BRD4: variants seen among roughly 807,000 people sequenced by gnomAD.
BRD4 encodes bromodomain-containing protein 4.
BRD4 carries 16 observed loss-of-function variants against 142.1 expected under a neutral mutation model. The observed-to-expected ratio is 0.11, with a 90% CI of 0.08 to 0.17. The LOEUF (loss-of-function observed/expected upper bound fraction) is 0.17, where lower values mean the gene tolerates loss of function less well. Among genes scored for constraint, BRD4 ranks in the 10% least tolerant of loss-of-function variants. The probability of loss-of-function intolerance (pLI) is 1.00; values close to 1 mark genes in which losing one functional copy is unlikely to be tolerated. For synonymous variants in BRD4, 833 were observed against 707.5 expected, an observed-to-expected ratio of 1.18 and a Z score of -2.82; for missense variants, 1,424 against 1,810.9, an observed-to-expected ratio of 0.79 and a Z score of 3.88.
At chr19:15,311,909 C>T (rs1448677744) in intron 1 of BRD4, among the ~76,000 whole-genome samples, 1 of 152,202 alleles carries the variant, frequency 6.6e-6, no homozygotes, top group African/African-American at 2.4e-5. Flanking sequence ...AGAAGACTGG[C>T]TGCCACAGGC....
chr19:15,302,989 C>G (rs1279912216), intron 1 of BRD4, among the ~76,000 whole-genome samples: 2 of 133,216 alleles, frequency 1.5e-5, no homozygotes, highest in African/African-American at 2.9e-5. Flanking sequence ...GCCTGGGCCA[C>G]AGAGCGAGAC....
chr19:15,332,329 G>C lies in BRD4; in HGVS notation c.-74C>G, dbSNP rs1357280869. The C allele has an allele frequency of 6.9e-6, 1 of 145,728 alleles. No individual in the cohort carries two copies. The highest frequency in any genetic ancestry group is 2.5e-5 in the African/African-American group (1 of 40,156). 9.0% of individuals were successfully genotyped at this position (145,728 alleles called of 1,614,324 possible). ...CGCACGCCGCCCCCGCCGGCCGTCC[G>C]CCCGCTGCCGCCGCCCCCTCCCCGA... On this transcript the variant is annotated 5_prime_UTR_variant, in exon 1 of 20. Coordinates refer to ENST00000679869, the MANE Select transcript of BRD4 (RefSeq NM_001379291.1).
In BRD4 at chr19:15,283,733, C is replaced by T. The variant is rs572463615; in HGVS notation, c.-34-10600G>A. 7.9e-5 allele frequency among the ~76,000 whole-genome samples: 12 copies of T among 152,304 alleles called. No individual in the cohort carries two copies. The East Asian group carries it at 1.9e-3, about 24-fold the overall frequency. ...TAATTTCACCCACTGGGAAGCCGCC[C>T]GGGTGAGTAAGCAAGAGTGTATCAC... On this transcript the variant is annotated intron_variant, in intron 1 of 19. Transcript: ENST00000679869.
At chr19:15,308,502 G>A (rs1378277167) in intron 1 of BRD4, among the ~76,000 whole-genome samples, 1 of 150,162 alleles carries the variant, frequency 6.7e-6, no homozygotes, top group Admixed American at 6.7e-5. Context: ...CAGAACAATC[G>A]CTTGAACCCA....
At chr19:15,254,942 T>C (rs561972245) in intron 10 of BRD4, among the ~76,000 whole-genome samples, 12 of 152,224 alleles carry the variant, frequency 7.9e-5, no homozygotes, top group African/African-American at 2.9e-4. Context: ...AACGTATCGG[T>C]ACACAGGTCC....
intron 1 of BRD4, among the ~76,000 whole-genome samples, chr19:15,313,605 G>A (rs1176515999): frequency 1.3e-5 from 2 of 152,046 alleles, no homozygotes; most frequent in South Asian, 2.1e-4. Flanking sequence ...GAACCCGGCA[G>A]GCGGAGGTTG....
At position 15,239,869 on chromosome 19, in the gene BRD4, G is replaced by A. The variant is rs547510807; in HGVS notation, c.3282+41C>T. On this transcript the variant is annotated intron_variant, in intron 15 of 19. Transcript: ENST00000679869. The surrounding 1 kb of genome is among the most constrained non-coding windows in gnomAD (Gnocchi z 7.4). ...GCCGGTGAGGTGGGCAGGCACCCCC[G>A]GCCCTAGCCCACAGGACTATGGCCC... 9.9e-6 allele frequency: 16 copies of A among 1,613,924 alleles called. No homozygotes were observed. In the East Asian group the frequency reaches 1.1e-4, roughly 11 times the overall value.
intron 14 of BRD4, among the ~76,000 whole-genome samples, chr19:15,240,279 CA>C: frequency 6.6e-6 from 1 of 152,208 alleles, no homozygotes; most frequent in East Asian, 1.9e-4. Flanking sequence ...CAGTGTGCAG[CA>C]GAGCTTTCTA....
At chr19:15,313,392 AG>A (rs1166062782) in intron 1 of BRD4, among the ~76,000 whole-genome samples, 1 of 106,632 alleles carries the variant, frequency 9.4e-6, no homozygotes, top group Non-Finnish European at 1.9e-5. Flanking sequence ...AAAAAAAAAA[AG>A]GCCGAGCGGT....
At chr19:15,247,887 C>G (rs1331669155) in intron 11 of BRD4, 5 of 228,766 alleles carry the variant, frequency 2.2e-5, no homozygotes, top group African/African-American at 1.1e-4. Context: ...CCGGGAGGCC[C>G]TGGTGAGGCC....
At chr19:15,240,387 T>C (rs1408076785) in intron 14 of BRD4, among the ~76,000 whole-genome samples, 1 of 152,182 alleles carries the variant, frequency 6.6e-6, no homozygotes, top group African/African-American at 2.4e-5. Flanking sequence ...CATGTGGGCT[T>C]GGCAGGGCCT....
At position 15,292,606 on chromosome 19, in the gene BRD4, G is replaced by A. The variant is rs1002560209; in HGVS notation, c.-34-19473C>T. Among the ~76,000 whole-genome samples, 13 of 151,714 alleles carry A rather than the reference G, an allele frequency of 8.6e-5. No homozygotes were observed. In the East Asian group the frequency reaches 2.3e-3, roughly 27 times the overall value. On this transcript the variant is annotated intron_variant, in intron 1 of 19. Coordinates refer to ENST00000679869, the MANE Select transcript of BRD4 (RefSeq NM_001379291.1). Reference sequence around the variant, plus strand: ...ATCTTGGCTAACATGGTGAAACCCCGTCTGTACTAAAAATACAAAAAATTA... The same window carrying A: ...ATCTTGGCTAACATGGTGAAACCCCATCTGTACTAAAAATACAAAAAATTA...
At chr19:15,300,355 CA>C (rs2047857380) in intron 1 of BRD4, among the ~76,000 whole-genome samples, 1 of 151,798 alleles carries the variant, frequency 6.6e-6, no homozygotes, top group Non-Finnish European at 1.5e-5. Flanking sequence ...AGTTCAAGAC[CA>C]GCCTGGCCAA....
At chr19:15,328,309 C>T (rs777315505) in intron 1 of BRD4, among the ~76,000 whole-genome samples, 13 of 152,078 alleles carry the variant, frequency 8.5e-5, no homozygotes, top group Non-Finnish European at 7.4e-5. Context: ...TTTTTATTGA[C>T]AACATGAGAT....
At chr19:15,318,666 TACC>T (rs1422787317) in intron 1 of BRD4, among the ~76,000 whole-genome samples, 2 of 152,158 alleles carry the variant, frequency 1.3e-5, no homozygotes, top group Non-Finnish European at 2.9e-5. Flanking sequence ...CATCCAACAC[TACC>T]ACATAAATAA....
In BRD4 at chr19:15,238,580, C is replaced by T; in HGVS notation, c.4021-135G>A. The T allele has an allele frequency of 1.3e-6, 2 of 1,517,202 alleles. No individual in the cohort carries two copies. The highest frequency in any genetic ancestry group is 1.8e-6 in the Non-Finnish European group (2 of 1,131,442). The allele number at this position is 1,517,202 out of a possible 1,614,324, so 94.0% of individuals were successfully genotyped here. A position where few individuals can be genotyped will look rare whatever the true frequency, so the allele number is the denominator to read the frequency against. ...CCCCTCATAGCGCTCACCCCGTCCACACAGCACTCAGGGCCCTACAGCTGA... is the reference window on the plus strand; with the variant it reads ...CCCCTCATAGCGCTCACCCCGTCCATACAGCACTCAGGGCCCTACAGCTGA... On this transcript the variant is annotated intron_variant, in intron 19 of 19. Coordinates refer to ENST00000679869, the MANE Select transcript of BRD4 (RefSeq NM_001379291.1). The surrounding 1 kb of genome is among the most constrained non-coding windows in gnomAD (Gnocchi z 7.2).
chr19:15,247,216 G>T (rs554708299), intron 11 of BRD4: 10 of 230,162 alleles, frequency 4.3e-5, no homozygotes, highest in Non-Finnish European at 6.9e-5. Context: ...GGAGGTAATG[G>T]AGGGTAAGGT....
intron 1 of BRD4, among the ~76,000 whole-genome samples, chr19:15,288,422 T>C (rs1051486799): frequency 1.4e-4 from 22 of 151,916 alleles, no homozygotes; most frequent in Admixed American, 1.2e-3. Context: ...TAAAAATAAA[T>C]AGAAGAAGAG....
intron 11 of BRD4, among the ~76,000 whole-genome samples, chr19:15,251,740 C>T (rs1008083955): frequency 3.3e-5 from 5 of 152,190 alleles, no homozygotes; most frequent in African/African-American, 4.8e-5. Flanking sequence ...ACGAAACCCT[C>T]GCAGCGGCCC....
Sources: gnomAD v4.1 joint callset for allele counts (sites outside exome capture counted in the v4.1 genomes callset) on GRCh38, gnomAD v4.1.1 for gene constraint, Gnocchi (gnomAD v3.1) non-coding constraint, MANE v1.5 for transcripts, NCBI Gene and HGNC (gene_info 2026-07-23, HGNC 2026-07-21) for gene names.